Variants in VWA8 observed in about 807,000 individuals in gnomAD.
VWA8 encodes the protein von Willebrand factor A domain-containing protein 8.
In VWA8, 221 loss-of-function variants were observed where a neutral mutation model predicts 241.5. The ratio of observed to expected loss-of-function variants is 0.91; its 90% CI spans 0.82 to 1.02. The LOEUF (loss-of-function observed/expected upper bound fraction) is 1.02. Ranked by LOEUF, VWA8 falls within the 50% of genes least tolerant of loss-of-function variation. The probability of loss-of-function intolerance (pLI) is 0.00; values close to 1 mark genes in which losing one functional copy is unlikely to be tolerated. For synonymous variants in VWA8, 852 were observed against 827.1 expected (o/e 1.03, Z -0.52); for missense variants, 2,322 against 2,328.7 (o/e 1.00, Z 0.06).
chr13:41,686,179 G>A (rs2045134953), intron 34 of VWA8, among the ~76,000 whole-genome samples: 1 of 152,054 alleles, frequency 6.6e-6, no homozygotes, highest in South Asian at 2.1e-4. Context: ...CTATTCCCAG[G>A]CCAATACATG....
intron 19 of VWA8, among the ~76,000 whole-genome samples, chr13:41,781,259 C>G (rs1330108133): frequency 2.0e-5 from 3 of 152,160 alleles, no homozygotes; most frequent in African/African-American, 7.2e-5. Context: ...CACTCTTCCA[C>G]TTGCAACCTC....
At chr13:41,580,594 AG>A (rs1278402966) in intron 42 of VWA8, among the ~76,000 whole-genome samples, 3 of 152,192 alleles carry the variant, frequency 2.0e-5, no homozygotes, top group Non-Finnish European at 4.4e-5. Context: ...TGAGGTGCCA[AG>A]GGTAGGAGAA....
intron 21 of VWA8, among the ~76,000 whole-genome samples, chr13:41,748,500 T>C (rs1367586302): frequency 6.6e-6 from 1 of 152,200 alleles, no homozygotes; most frequent in Non-Finnish European, 1.5e-5. Context: ...TTCTTCTTTA[T>C]TAGTCTTGCT....
intron 19 of VWA8, among the ~76,000 whole-genome samples, chr13:41,778,985 G>A (rs1868763514): frequency 6.6e-6 from 1 of 150,456 alleles, no homozygotes; most frequent in Admixed American, 6.6e-5. Context: ...GGGACTACAG[G>A]TGCCTGCCAC....
chr13:41,866,989 T>C (rs1328934415), intron 10 of VWA8, among the ~76,000 whole-genome samples: 1 of 152,184 alleles, frequency 6.6e-6, no homozygotes, highest in Non-Finnish European at 1.5e-5. Context: ...GGCTGGATCA[T>C]GTTATATACC....
intron 37 of VWA8, among the ~76,000 whole-genome samples, chr13:41,653,438 T>C (rs2044881541): frequency 6.6e-6 from 1 of 152,202 alleles, no homozygotes; most frequent in Non-Finnish European, 1.5e-5. Context: ...AAACATTCTA[T>C]GCTCATGGAT....
intron 2 of VWA8, among the ~76,000 whole-genome samples, chr13:41,942,539 T>C (rs1055025509): frequency 6.6e-6 from 1 of 152,182 alleles, no homozygotes; most frequent in Admixed American, 6.5e-5. Context: ...AGCAAACTTA[T>C]GATGGCCACG....
At chr13:41,715,167 A>G (rs2045340565) in intron 26 of VWA8, among the ~76,000 whole-genome samples, 1 of 151,984 alleles carries the variant, frequency 6.6e-6, no homozygotes, top group Non-Finnish European at 1.5e-5. Context: ...TTATGTAAAG[A>G]AAGTGCTTGG....
rs143946018 is a variant in VWA8 at position 41,811,739 on chromosome 13, G to T, written c.1948-399C>A. The stretch of plus-strand genomic sequence containing the variant: ...AATGTTTAAAGCTTTAAGCAAATCG[G>T]TGGTTTCTAAAATAGCCAAAAAGAG... On this transcript the variant is annotated intron_variant, in intron 16 of 44. Transcript: ENST00000379310. Among the ~76,000 whole-genome samples the T allele has an allele frequency of 7.2e-5, 11 of 152,258 alleles. No individual in the cohort carries two copies. The East Asian group carries it at 2.1e-3, about 29-fold the overall frequency.
At chr13:41,643,647 A>G (rs564082386) in intron 37 of VWA8, among the ~76,000 whole-genome samples, 2 of 152,316 alleles carry the variant, frequency 1.3e-5, no homozygotes, top group South Asian at 4.1e-4. Flanking sequence ...ACGCCAGTGT[A>G]GTTGCTTGGT....
At chr13:41,695,049 G>C (rs551760765) in intron 29 of VWA8, among the ~76,000 whole-genome samples, 3 of 152,092 alleles carry the variant, frequency 2.0e-5, no homozygotes, top group Non-Finnish European at 4.4e-5. Context: ...TTCTGTCTGG[G>C]TTTAAAAATA....
chr13:41,739,995 C>T (rs1347507492), intron 21 of VWA8, among the ~76,000 whole-genome samples: 1 of 151,894 alleles, frequency 6.6e-6, no homozygotes, highest in Non-Finnish European at 1.5e-5. Flanking sequence ...GCTGGGACTA[C>T]AGGCACCTGC....
chr13:41,716,500 TGCTGTAGATA>T (rs2045348791), intron 26 of VWA8, among the ~76,000 whole-genome samples: 1 of 152,074 alleles, frequency 6.6e-6, no homozygotes, highest in African/African-American at 2.4e-5. Flanking sequence ...AGGAAGAAGG[TGCTGTAGATA>T]GCTACACAAA....
chr13:41,721,981 CAG>C (rs1376361093), intron 24 of VWA8, among the ~76,000 whole-genome samples: 9 of 152,044 alleles, frequency 5.9e-5, no homozygotes, highest in Non-Finnish European at 1.0e-4. Context: ...TACATGCAAA[CAG>C]AGTTTAGATA....
intron 5 of VWA8, among the ~76,000 whole-genome samples, chr13:41,888,454 G>A (rs750256708): frequency 8.5e-5 from 13 of 152,134 alleles, no homozygotes; most frequent in South Asian, 2.1e-4. Context: ...CCCTCCTTCC[G>A]TGACCCTGTG....
At chr13:41,680,502 A>G (rs1415653636) in intron 35 of VWA8, among the ~76,000 whole-genome samples, 1 of 152,214 alleles carries the variant, frequency 6.6e-6, no homozygotes, top group East Asian at 1.9e-4. Flanking sequence ...ATATTTTAGT[A>G]ACACTACTTA....
chr13:41,947,946 A>C lies in VWA8; in HGVS notation c.241+1990T>G, dbSNP rs1424187286. 3.4e-5 allele frequency among the ~76,000 whole-genome samples: 5 copies of C among 148,842 alleles called. 1 individual carries two copies. Among genetic ancestry groups the C allele is most frequent in the African/African-American group, 4.9e-5 (2 of 40,510 alleles). ...GACCCTGTCTCAAAAAAAAAAAAAA[A>C]AAAAAAACAAAACAAAACATTTTGG... is the stretch of plus-strand genomic sequence containing the variant. On this transcript the variant is annotated intron_variant, in intron 2 of 44. Transcript: ENST00000379310.
chr13:41,735,430 A>T (rs1218278506), intron 21 of VWA8, among the ~76,000 whole-genome samples: 1 of 152,228 alleles, frequency 6.6e-6, no homozygotes, highest in East Asian at 1.9e-4. Flanking sequence ...CTTCTGTGCC[A>T]GAAATAAAAA....
At chr13:41,828,086 C>T (rs9594636) in intron 14 of VWA8, among the ~76,000 whole-genome samples, 2,366 of 152,262 alleles carry the variant, frequency 0.016, 61 homozygotes, top group African/African-American at 0.054. Context: ...TCCCTAAACA[C>T]TCAACCAACC....
Sources: gnomAD v4.1 joint callset for allele counts (sites outside exome capture counted in the v4.1 genomes callset) on GRCh38, gnomAD v4.1.1 for gene constraint, MANE v1.5 for transcripts, NCBI Gene and HGNC (gene_info 2026-07-23, HGNC 2026-07-21) for gene names.